CAPZA2: variants seen among roughly 807,000 people sequenced by gnomAD.
The protein encoded by CAPZA2 is capping actin protein of muscle Z-line subunit alpha 2, also known as F-actin-capping protein subunit alpha-2.
In CAPZA2, 13 loss-of-function variants were observed where a neutral mutation model predicts 44.0. The ratio of observed to expected loss-of-function variants is 0.30; its 90% CI spans 0.19 to 0.47. The LOEUF is 0.47. Among genes scored for constraint, CAPZA2 ranks in the 20% least tolerant of loss-of-function variants. The pLI is 1.00. For missense variants in CAPZA2, 244 were observed against 338.6 expected, an observed-to-expected ratio of 0.72 and a Z score of 2.19; for synonymous variants, 94 against 108.2, an observed-to-expected ratio of 0.87 and a Z score of 0.81.
intron 2 of CAPZA2, among the ~76,000 whole-genome samples, chr7:116,889,775 A>C (rs1304901097): frequency 3.3e-5 from 5 of 152,214 alleles, no homozygotes; most frequent in African/African-American, 1.2e-4. Context: ...CTGTACTTAG[A>C]AGGCAGAATG....
rs1053000928 is a variant in CAPZA2, at chr7:116,919,184, A to G, written c.*1317A>G. 1 of 152,412 alleles carries G rather than the reference A, an allele frequency of 6.6e-6. No homozygotes were observed. The highest frequency in any genetic ancestry group is 2.4e-5 in the African/African-American group (1 of 41,394). 9.4% of individuals were successfully genotyped at this position (152,412 alleles called of 1,614,324 possible). On this transcript the variant is annotated 3_prime_UTR_variant, in exon 10 of 10. Coordinates refer to ENST00000361183, the MANE Select transcript of CAPZA2 (RefSeq NM_006136.3). The stretch of plus-strand genomic sequence containing the variant: ...TGTATAGATTTTTAAAAATTCAATG[A>G]AAGCATGTTGTTTAATTTCTTTTTA...
intron 4 of CAPZA2, among the ~76,000 whole-genome samples, chr7:116,900,435 A>G (rs530220710): frequency 1.3e-4 from 20 of 152,010 alleles, no homozygotes; most frequent in Non-Finnish European, 2.2e-4. Flanking sequence ...AATTAATAAA[A>G]GAATTTGGGG....
chr7:116,890,543 TATATATATATATATATATATATATAC>T lies in CAPZA2; in HGVS notation c.103+2355_103+2380del, dbSNP rs1796824043. 6.4e-4 allele frequency among the ~76,000 whole-genome samples: 8 copies of T among 12,408 alleles called. 1 individual carries two copies. Among genetic ancestry groups the T allele is most frequent in the Admixed American group, 2.6e-3 (2 of 758 alleles). 8.1% of individuals were successfully genotyped at this position (12,408 alleles called of 152,430 possible). A position where few individuals can be genotyped will look rare whatever the true frequency, so the allele number is the denominator to read the frequency against. ...AAAAAAAAATATATATATATATATA[TATATATATATATATATATATATATAC>T]ACATATATATATATATATATATATA... On this transcript the variant is annotated intron_variant, in intron 2 of 9. Transcript: ENST00000361183.
At position 116,920,364 on chromosome 7, in the gene CAPZA2, G is replaced by A. The variant is rs1585018141; in HGVS notation, c.*2497G>A. ...GGAGACATTATGGCTGCTTTGCTGA[G>A]TAGGCTGAAGTGTGGTGGCAAAGGC... On this transcript the variant is annotated 3_prime_UTR_variant, in exon 10 of 10. Coordinates refer to ENST00000361183, the MANE Select transcript of CAPZA2 (RefSeq NM_006136.3). 6.6e-6 allele frequency: 1 copy of A among 152,268 alleles called. No homozygotes were observed. Among genetic ancestry groups the A allele is most frequent in the Admixed American group, 6.5e-5 (1 of 15,276 alleles). The allele number at this position is 152,268 out of a possible 1,614,324, so 9.4% of individuals were successfully genotyped here.
intron 1 of CAPZA2, among the ~76,000 whole-genome samples, chr7:116,871,828 T>G (rs1281228623): frequency 1.3e-5 from 2 of 152,256 alleles, no homozygotes; most frequent in Non-Finnish European, 2.9e-5. Context: ...CCAGGCCTTA[T>G]GTCTTCACCA....
chr7:116,915,611 T>A lies in CAPZA2; in HGVS notation c.658-449T>A, dbSNP rs554624017. 6.1e-4 allele frequency: 92 copies of A among 151,870 alleles called. 1 individual carries two copies. In the East Asian group the frequency reaches 0.014, roughly 23 times the overall value. The allele number at this position is 151,870 out of a possible 1,614,324, so 9.4% of individuals were successfully genotyped here. On this transcript the variant is annotated intron_variant, in intron 8 of 9. Coordinates refer to ENST00000361183, the MANE Select transcript of CAPZA2 (RefSeq NM_006136.3). The stretch of plus-strand genomic sequence containing the variant: ...ATCTATTGGCATGTTAAAAAAAAAA[T>A]TTCCAGAAAAATACATTCTTCCTGA...
chr7:116,919,419 A>G lies in CAPZA2; in HGVS notation c.*1552A>G, dbSNP rs1019220802. On this transcript the variant is annotated 3_prime_UTR_variant, in exon 10 of 10. Transcript: ENST00000361183. ...GTGAACTAAATACTAGATCTAATTG[A>G]CAAGCTTAGTTGTATCAGTTAGGCC... 9 of 152,272 alleles carry G rather than the reference A, an allele frequency of 5.9e-5. No homozygotes were observed. The highest frequency in any genetic ancestry group is 3.4e-3 in the Middle Eastern group (1 of 294). The allele number at this position is 152,272 out of a possible 1,614,324, so 9.4% of individuals were successfully genotyped here. A position where few individuals can be genotyped will look rare whatever the true frequency, so the allele number is the denominator to read the frequency against.
chr7:116,914,797 G>A (rs940305607), intron 8 of CAPZA2, among the ~76,000 whole-genome samples: 2 of 152,118 alleles, frequency 1.3e-5, no homozygotes, highest in Admixed American at 6.6e-5. Flanking sequence ...TAGCACTTAG[G>A]TGATTTCTGC....
chr7:116,880,884 T>G (rs1796689496), intron 1 of CAPZA2, among the ~76,000 whole-genome samples: 1 of 150,550 alleles, frequency 6.6e-6, no homozygotes, highest in Non-Finnish European at 1.5e-5. Flanking sequence ...ATTTTTGTAT[T>G]TTTTAGTAGA....
chr7:116,882,539 C>G (rs1377668461), intron 1 of CAPZA2, among the ~76,000 whole-genome samples: 1 of 152,006 alleles, frequency 6.6e-6, no homozygotes, highest in Non-Finnish European at 1.5e-5. Context: ...TATTGTTTGA[C>G]AGTAATACGT....
chr7:116,882,443 T>G (rs1796713828), intron 1 of CAPZA2, among the ~76,000 whole-genome samples: 1 of 152,182 alleles, frequency 6.6e-6, no homozygotes, highest in Non-Finnish European at 1.5e-5. Context: ...ATTACTACCA[T>G]TATGGAATGG....
intron 1 of CAPZA2, among the ~76,000 whole-genome samples, chr7:116,878,268 G>A (rs1250253193): frequency 6.6e-6 from 1 of 152,180 alleles, no homozygotes; most frequent in East Asian, 1.9e-4. Flanking sequence ...GATTTATTTT[G>A]TTCCTCACAA....
chr7:116,890,528 ATATATATATATATATATAT>A (rs1796822770), intron 2 of CAPZA2, among the ~76,000 whole-genome samples: 2 of 6,672 alleles, frequency 3.0e-4, no homozygotes, highest in African/African-American at 1.3e-3. Context: ...AAAAAAAAAT[ATATATATATATATATATAT>A]ATATATATAT....
rs550106329 is a variant in CAPZA2 at position 116,881,536 on chromosome 7, A to G, written c.40-6591A>G. On this transcript the variant is annotated intron_variant, in intron 1 of 9. Coordinates refer to ENST00000361183, the MANE Select transcript of CAPZA2 (RefSeq NM_006136.3). ...GGGCGGATCACGAGGTCAGGAGATC[A>G]AGACCATCCTGGCTAACACGGTGAA... Among the ~76,000 whole-genome samples, 344 of 152,012 alleles carry G rather than the reference A, an allele frequency of 2.3e-3. 2 individuals are homozygous for G. Among genetic ancestry groups the G allele is most frequent in the South Asian group, 7.7e-3 (37 of 4,804 alleles).
intron 2 of CAPZA2, among the ~76,000 whole-genome samples, chr7:116,890,559 TATATATATAC>T (rs1796827085): frequency 7.3e-5 from 1 of 13,678 alleles, no homozygotes; most frequent in African/African-American, 2.4e-4. Flanking sequence ...TATATATATA[TATATATATAC>T]ACATATATAT....
At position 116,919,116 on chromosome 7, in the gene CAPZA2, A is replaced by T. The variant is rs1189753402; in HGVS notation, c.*1249A>T. 3 of 151,630 alleles carry T rather than the reference A, an allele frequency of 2.0e-5. No individual in the cohort carries two copies. The highest frequency in any genetic ancestry group is 7.3e-5 in the African/African-American group (3 of 41,272). 9.4% of individuals were successfully genotyped at this position (151,630 alleles called of 1,614,324 possible). A position where few individuals can be genotyped will look rare whatever the true frequency, so the allele number is the denominator to read the frequency against. ...TTATTGTTTTTTTTTTTAGAAAAACACCACTTTTATTATGTACAATAAAAT... is the reference window on the plus strand; with the variant it reads ...TTATTGTTTTTTTTTTTAGAAAAACTCCACTTTTATTATGTACAATAAAAT... On this transcript the variant is annotated 3_prime_UTR_variant, in exon 10 of 10. Coordinates refer to ENST00000361183, the MANE Select transcript of CAPZA2 (RefSeq NM_006136.3).
intron 1 of CAPZA2, 98 bp downstream of exon 1, chr7:116,862,748 CAGCTGGCCTTGCCCT>C: frequency 7.5e-7 from 1 of 1,339,546 alleles, no homozygotes; most frequent in South Asian, 1.3e-5. Context: ...CATTGGCCCG[CAGCTGGCCTTGCCCT>C]CGGCTGCCCT....
intron 1 of CAPZA2, chr7:116,880,170 G>A (rs775477177): frequency 6.6e-6 from 3 of 455,132 alleles, no homozygotes; most frequent in South Asian, 4.9e-5. Flanking sequence ...AACCATAGAT[G>A]CCATATCAAA....
At chr7:116,880,120 G>A (rs1410819714) in intron 1 of CAPZA2, 13 of 469,290 alleles carry the variant, frequency 2.8e-5, no homozygotes, top group Admixed American at 2.6e-4. Flanking sequence ...CTGGAAAGTT[G>A]GCCAATTTTT....
Sources: allele counts gnomAD v4.1 joint callset (sites outside exome capture counted in the v4.1 genomes callset), GRCh38; gene constraint gnomAD v4.1.1; transcripts MANE v1.5; gene names NCBI Gene and HGNC (gene_info 2026-07-23, HGNC 2026-07-21).